The following NDC1 variants were observed in gnomAD, a reference collection of about 807,000 sequenced individuals.
NDC1 encodes nucleoporin NDC1.
A neutral mutation model predicts 89.8 loss-of-function variants in NDC1; 24 were observed. The observed-to-expected ratio is 0.27, with a 90% CI of 0.19 to 0.38. The LOEUF (loss-of-function observed/expected upper bound fraction) is 0.38. Among genes scored for constraint, NDC1 ranks in the 10% least tolerant of loss-of-function variants. The pLI is 1.00. For synonymous variants in NDC1, 296 were observed against 284.8 expected (o/e 1.04, Z -0.39); for missense variants, 728 against 797.6 (o/e 0.91, Z 1.05).
At chr1:53,836,014 G>C (rs1649220677) in intron 1 of NDC1, among the ~76,000 whole-genome samples, 1 of 152,040 alleles carries the variant, frequency 6.6e-6, no homozygotes, top group Non-Finnish European at 1.5e-5. Flanking sequence ...ACCTTTACTG[G>C]GCAACTACGG....
intron 6 of NDC1, among the ~76,000 whole-genome samples, chr1:53,810,420 C>G (rs1369597125): frequency 7.0e-6 from 1 of 143,422 alleles, no homozygotes; most frequent in Non-Finnish European, 1.5e-5. Context: ...AAAGAAGAAA[C>G]TGGCAAAAAA....
chr1:53,791,435 GA>G (rs35668416), intron 14 of NDC1, among the ~76,000 whole-genome samples: 6,057 of 95,164 alleles, frequency 0.064, 135 homozygotes, highest in African/African-American at 0.075. Context: ...GACTCCGTCT[GA>G]AAAAAAAAAA....
chr1:53,828,088 A>G lies in NDC1; in HGVS notation c.366T>C (p.Ala122=). ...ACCAGGCCATCACCATTCCCATTGC[A>G]GCATGAATAAATGAGTGCATGAGTT... ...PQQLMHSFIH[A]AMGMVMAWCA... The change falls in exon 4 of 18, where the codon GCT becomes GCC. Residue 122 remains alanine, a synonymous_variant. Transcript: ENST00000371429. The G allele has an allele frequency of 6.2e-7, 1 of 1,614,184 alleles. No individual in the cohort carries two copies. Among genetic ancestry groups the G allele is most frequent in the African/African-American group, 1.3e-5 (1 of 75,060 alleles).
chr1:53,809,772 G>T, intron 6 of NDC1, 26 bp from the exon 7 acceptor site: 2 of 1,598,758 alleles, frequency 1.3e-6, no homozygotes, highest in South Asian at 2.2e-5. Context: ...ACCAAGCTAT[G>T]AACATAAAAA....
chr1:53,815,749 CA>C (rs1236806636), intron 6 of NDC1, among the ~76,000 whole-genome samples: 1 of 152,178 alleles, frequency 6.6e-6, no homozygotes. Context: ...AAGAATTCAG[CA>C]AAGTTTCCAG....
Position 53,796,767 on chromosome 1 carries a change from A to G in NDC1, c.1506T>C (p.Ser502=). Reference sequence around the variant, plus strand: ...TCTTACCCTCAGCACTAATAGAGGTAGATGGAGAAGGATTAGAAAATTCAG... The same window carrying G: ...TCTTACCCTCAGCACTAATAGAGGTGGATGGAGAAGGATTAGAAAATTCAG... The part of the protein sequence containing the change: ...QMTEFSNPSP[S]TSISAEGKTM... The change falls in exon 13 of 18, where the codon TCT becomes TCC. Residue 502 remains serine, a synonymous_variant. Transcript: ENST00000371429. The G allele has an allele frequency of 6.2e-7, 1 of 1,609,892 alleles. No individual in the cohort carries two copies. Among genetic ancestry groups the G allele is most frequent in the Non-Finnish European group, 8.5e-7 (1 of 1,178,968 alleles).
In NDC1 at chr1:53,797,197, G is replaced by T. The variant is rs557742872; in HGVS notation, c.1223-53C>A. 6 of 1,572,726 alleles carry T rather than the reference G, an allele frequency of 3.8e-6. No individual in the cohort carries two copies. The South Asian group carries it at 7.0e-5, about 18-fold the overall frequency. Reference sequence around the variant, plus strand: ...GAGGCAACCTGATCCAAGCAGGCTAGCAGCAACGCTTTCAAATTCTACACA... The same window carrying T: ...GAGGCAACCTGATCCAAGCAGGCTATCAGCAACGCTTTCAAATTCTACACA... On this transcript the variant is annotated intron_variant, in intron 11 of 17. Coordinates refer to ENST00000371429, the MANE Select transcript of NDC1 (RefSeq NM_018087.5).
At chr1:53,789,670 G>A (rs1177646214) in intron 14 of NDC1, among the ~76,000 whole-genome samples, 1 of 151,558 alleles carries the variant, frequency 6.6e-6, no homozygotes. Context: ...GTGGTGGCAG[G>A]TGCCTGTAAT....
At chr1:53,807,377 T>C (rs1490066390) in intron 8 of NDC1, among the ~76,000 whole-genome samples, 1 of 150,696 alleles carries the variant, frequency 6.6e-6, no homozygotes. Flanking sequence ...AGTAGAGAAA[T>C]GGAAGCCCCC....
Position 53,806,468 on chromosome 1 carries a change from C to T in NDC1, c.941G>A (p.Cys314Tyr), listed in dbSNP as rs145758782. ...ATTGCTATTTAACACTTTTGGAAGG[C>T]ACTCATCTGACCCTTCTGCAAATGG... ...QPPFAEGSDE[C>Y]LPKVLNSNPP... is the part of the protein sequence containing the mutation. Residue 314 changes from cysteine (C) to tyrosine (Y), a missense_variant, in exon 9 of 18, where the codon TGC becomes TAC. Cys to Tyr is a radical substitution (Grantham distance 194). Transcript: ENST00000371429. 42 of 1,538,750 alleles carry T rather than the reference C, an allele frequency of 2.7e-5. No individual in the cohort carries two copies. The African/African-American group carries it at 5.5e-4, about 20-fold the overall frequency.
Position 53,828,128 on chromosome 1 carries a change from A to T in NDC1, c.326T>A (p.Ile109Asn), listed in dbSNP as rs1345032456. Residue 109 changes from isoleucine (I) to asparagine (N), a missense_variant, in exon 4 of 18, where the codon ATC (isoleucine) becomes AAC (asparagine). Physicochemically the swap from Ile to Asn is moderately radical, Grantham distance 149 (BLOSUM62 -3). Coordinates refer to ENST00000371429, the MANE Select transcript of NDC1 (RefSeq NM_018087.5). ...PCSRLALIGKIIHPQQLMHSF... is the reference protein window; with the variant it reads ...PCSRLALIGKNIHPQQLMHSF... ...GTGCATGAGTTGCTGAGGATGAATG[A>T]TCTTCCCTATCAGAGCTAGTCTGGA... The T allele has an allele frequency of 6.2e-7, 1 of 1,614,132 alleles. No homozygotes were observed. Among genetic ancestry groups the T allele is most frequent in the Admixed American group, 1.7e-5 (1 of 60,008 alleles).
chr1:53,812,146 C>T (rs1351955025), intron 6 of NDC1, among the ~76,000 whole-genome samples: 6 of 152,152 alleles, frequency 3.9e-5, no homozygotes, highest in Non-Finnish European at 8.8e-5. Context: ...ACAGAGCCTA[C>T]CCAAATGAGA....
intron 13 of NDC1, 106 bp from the exon 14 acceptor site, chr1:53,793,385 ACACTT>A: frequency 1.2e-6 from 1 of 866,162 alleles, no homozygotes; most frequent in Non-Finnish European, 1.9e-6. Flanking sequence ...AAAAAATGAA[ACACTT>A]CACATCTTGT....
At position 53,828,031 on chromosome 1, in the gene NDC1, G is replaced by T. The variant is rs141204999; in HGVS notation, c.423C>A (p.Ser141Arg). ...CAAVITQGQY[S>R]FLVVPCTGTN... is the part of the protein sequence containing the mutation. The stretch of plus-strand genomic sequence containing the variant: ...TACCAGTGCAGGGAACCACAAGAAA[G>T]CTGTACTGGCCCTGGGTTATCACTG... Residue 141 changes from serine (S) to arginine (R), a missense_variant, in exon 4 of 18, where the codon AGC (serine) becomes AGA (arginine). Transcript: ENST00000371429. 743 of 1,613,102 alleles carry T rather than the reference G, an allele frequency of 4.6e-4. No homozygotes were observed. Among genetic ancestry groups the T allele is most frequent in the Non-Finnish European group, 6.0e-4 (713 of 1,179,462 alleles).
At chr1:53,791,088 A>G (rs1647482261) in intron 14 of NDC1, among the ~76,000 whole-genome samples, 2 of 152,036 alleles carry the variant, frequency 1.3e-5, no homozygotes, top group East Asian at 1.9e-4. Flanking sequence ...CTCTACTCCC[A>G]TGTGATCAAA....
chr1:53,835,700 G>A, intron 1 of NDC1, 80 bp from the exon 2 acceptor site: 2 of 1,236,070 alleles, frequency 1.6e-6, no homozygotes, highest in Non-Finnish European at 2.3e-6. Context: ...TTTCATACAG[G>A]ATGTTAACCA....
intron 6 of NDC1, among the ~76,000 whole-genome samples, chr1:53,818,634 A>G (rs573221831): frequency 5.9e-5 from 9 of 152,312 alleles, no homozygotes; most frequent in Admixed American, 2.0e-4. Flanking sequence ...TGACTATTTT[A>G]GATACCTCAT....
chr1:53,809,455 G>A (rs1200592797), intron 7 of NDC1, among the ~76,000 whole-genome samples: 3 of 152,028 alleles, frequency 2.0e-5, no homozygotes, highest in South Asian at 2.1e-4. Flanking sequence ...GGGCTCAAGC[G>A]ATCCTCCTGC....
intron 9 of NDC1, among the ~76,000 whole-genome samples, chr1:53,805,457 C>T (rs1390044015): frequency 1.3e-5 from 2 of 152,132 alleles, no homozygotes; most frequent in Non-Finnish European, 2.9e-5. Flanking sequence ...CCTCTCACCT[C>T]GGCCTCCCAA....
Sources: allele counts gnomAD v4.1 joint callset (sites outside exome capture counted in the v4.1 genomes callset), GRCh38; gene constraint gnomAD v4.1.1; transcripts MANE v1.5; gene names NCBI Gene and HGNC (gene_info 2026-07-23, HGNC 2026-07-21).